The following ULK2 variants were observed in gnomAD, a reference collection of about 807,000 sequenced individuals.
The protein encoded by ULK2 is unc-51 like autophagy activating kinase 2, also known as serine/threonine-protein kinase ULK2.
In ULK2, 76 loss-of-function variants were observed where a neutral mutation model predicts 127.5. The ratio of observed to expected loss-of-function variants is 0.60; its 90% confidence interval spans 0.50 to 0.72. The LOEUF (loss-of-function observed/expected upper bound fraction) is 0.72, where lower values mean the gene tolerates loss of function less well. Among genes scored for constraint, ULK2 ranks in the 30% least tolerant of loss-of-function variants. The pLI is 0.00. For synonymous variants in ULK2, 452 were observed against 461.9 expected, an observed-to-expected ratio of 0.98 and a Z score of 0.28; for missense variants, 1,144 against 1,295.9, an observed-to-expected ratio of 0.88 and a Z score of 1.80.
chr17:19,827,461 T>C (rs541254005), intron 10 of ULK2, among the ~76,000 whole-genome samples: 1 of 152,308 alleles, frequency 6.6e-6, no homozygotes, highest in South Asian at 2.1e-4. Context: ...TTTCCACAAA[T>C]CTCTGTTAGT....
At chr17:19,864,945 ATTATAC>A (rs1384237742) in intron 2 of ULK2, 101 bp from the exon 3 acceptor site, 19 of 416,530 alleles carry the variant, frequency 4.6e-5, no homozygotes, top group East Asian at 8.5e-5. Context: ...CACTTCTAGT[ATTATAC>A]TTATATTAAG....
chr17:19,803,206 T>C (rs547172577), intron 15 of ULK2, among the ~76,000 whole-genome samples: 1 of 151,936 alleles, frequency 6.6e-6, no homozygotes, highest in African/African-American at 2.4e-5. Context: ...TAGCTCAACT[T>C]GGAACTAGAA....
At chr17:19,867,197 C>G in intron 1 of ULK2, 131 bp downstream of exon 1, 1 of 650,364 alleles carries the variant, frequency 1.5e-6, no homozygotes, top group Non-Finnish European at 2.4e-6. Context: ...GCGAGACGGG[C>G]TGCGCGCACA....
rs760775842 is a variant in ULK2, at chr17:19,843,196, A to C, written c.570T>G (p.His190Gln). ...YMAPEVIMSQ[H>Q]YDAKADLWSI... The stretch of plus-strand genomic sequence containing the variant: ...TCCACAAGTCAGCCTTAGCATCATA[A>C]TGTTGAGACATAATAACCTCAGGAG... The change falls in exon 8 of 27, where the codon CAT becomes CAG. Residue 190 changes from histidine (H) to glutamine (Q), a missense_variant. By Grantham distance (24) the His-to-Gln change is conservative (BLOSUM62 0). Transcript: ENST00000395544. 2 of 1,586,602 alleles carry C rather than the reference A, an allele frequency of 1.3e-6. No individual in the cohort carries two copies. The highest frequency in any genetic ancestry group is 1.7e-4 in the Middle Eastern group (1 of 5,926).
chr17:19,771,576 A>G lies in ULK2; in HGVS notation c.*4773T>C, dbSNP rs1340888465. On this transcript the variant is annotated 3_prime_UTR_variant, in exon 27 of 27. Coordinates refer to ENST00000395544, the MANE Select transcript of ULK2 (RefSeq NM_014683.4). Reference sequence around the variant, plus strand: ...GAAGAGCCACAGAGTGATGACCACTACAACGGATACAGGATTGCTGAGCCC... The same window carrying G: ...GAAGAGCCACAGAGTGATGACCACTGCAACGGATACAGGATTGCTGAGCCC... 1 of 152,304 alleles carries G rather than the reference A, an allele frequency of 6.6e-6. No individual in the cohort carries two copies. Among genetic ancestry groups the G allele is most frequent in the Non-Finnish European group, 1.5e-5 (1 of 68,090 alleles). The allele number at this position is 152,304 out of a possible 1,614,324, so 9.4% of individuals were successfully genotyped here.
intron 20 of ULK2, among the ~76,000 whole-genome samples, chr17:19,791,978 A>C (rs568822706): frequency 2.8e-4 from 43 of 152,188 alleles, no homozygotes; most frequent in Middle Eastern, 3.4e-3. Flanking sequence ...TATGCTCCTG[A>C]ATGACCAGTG....
chr17:19,854,544 G>C (rs1393278772), intron 3 of ULK2, among the ~76,000 whole-genome samples: 1 of 152,074 alleles, frequency 6.6e-6, no homozygotes, highest in Non-Finnish European at 1.5e-5. Context: ...TTCTTCTGTA[G>C]ATATCCTCAA....
intron 3 of ULK2, among the ~76,000 whole-genome samples, chr17:19,854,183 G>A (rs1311679502): frequency 2.0e-5 from 3 of 151,122 alleles, no homozygotes; most frequent in Non-Finnish European, 4.4e-5. Flanking sequence ...AAGGCTGAAG[G>A]AGGAGAACTG....
At chr17:19,864,739 C>T in intron 3 of ULK2, 64 bp downstream of exon 3, 1 of 685,344 alleles carries the variant, frequency 1.5e-6, no homozygotes, top group Non-Finnish European at 2.1e-6. Context: ...TTAAGAGTCA[C>T]TTAAATCTGT....
Position 19,864,785 on chromosome 17 carries a change from A to G in ULK2, c.225+18T>C. On this transcript the variant is annotated intron_variant, in intron 3 of 26. Coordinates refer to ENST00000395544, the MANE Select transcript of ULK2 (RefSeq NM_014683.4). ...AAAAAATTTATTTTAATTTTTAAAAATTTTCAAAATAAGGTACCTGAACAT... is the reference window on the plus strand; with the variant it reads ...AAAAAATTTATTTTAATTTTTAAAAGTTTTCAAAATAAGGTACCTGAACAT... The G allele has an allele frequency of 1.7e-6, 2 of 1,203,900 alleles. No homozygotes were observed. Among genetic ancestry groups the G allele is most frequent in the Non-Finnish European group, 2.2e-6 (2 of 917,516 alleles). 74.6% of individuals were successfully genotyped at this position (1,203,900 alleles called of 1,614,324 possible).
chr17:19,835,475 G>C (rs764037249), intron 10 of ULK2, among the ~76,000 whole-genome samples: 1 of 151,202 alleles, frequency 6.6e-6, no homozygotes, highest in Non-Finnish European at 1.5e-5. Context: ...CCAGCACTTT[G>C]GGAGGCCGAG....
chr17:19,860,461 T>C (rs1407478129), intron 3 of ULK2, among the ~76,000 whole-genome samples: 1 of 151,976 alleles, frequency 6.6e-6, no homozygotes, highest in Non-Finnish European at 1.5e-5. Context: ...ATAAAACAAA[T>C]ATAAAGTATT....
intron 3 of ULK2, among the ~76,000 whole-genome samples, chr17:19,863,138 C>CG (rs916855909): frequency 1.8e-4 from 28 of 151,592 alleles, no homozygotes; most frequent in Middle Eastern, 6.8e-3. Context: ...CGCTTTAACC[C>CG]GGGGGGGCAG....
At position 19,784,513 on chromosome 17, in the gene ULK2, C is replaced by CTTTTTTTTTTTTTTTTTTTT. The variant is rs563736244; in HGVS notation, c.2252-628_2252-609dup. ...AACCTCAATAACACTGGACATGATA[C>CTTTTTTTTTTTTTTTTTTTT]TTTTTTTTTTTTTTTTTTTTTTTTT... is the stretch of plus-strand genomic sequence containing the variant. On this transcript the variant is annotated intron_variant, in intron 21 of 26. Coordinates refer to ENST00000395544, the MANE Select transcript of ULK2 (RefSeq NM_014683.4). Among the ~76,000 whole-genome samples the CTTTTTTTTTTTTTTTTTTTT allele has an allele frequency of 4.4e-5, 2 of 45,060 alleles. 1 individual carries two copies. The allele number at this position is 45,060 out of a possible 152,430, so 29.6% of individuals were successfully genotyped here. A position where few individuals can be genotyped will look rare whatever the true frequency, so the allele number is the denominator to read the frequency against.
Position 19,776,254 on chromosome 17 carries a change from A to G in ULK2, c.*95T>C. ...TTTGGTAGTCACCAGTTAAGAAGCT[A>G]CAGTTTCCTGGGGATGGGGTGACAG... On this transcript the variant is annotated 3_prime_UTR_variant, in exon 27 of 27. Coordinates refer to ENST00000395544, the MANE Select transcript of ULK2 (RefSeq NM_014683.4). The G allele has an allele frequency of 8.8e-7, 1 of 1,141,036 alleles. No homozygotes were observed. The highest frequency in any genetic ancestry group is 1.2e-6 in the Non-Finnish European group (1 of 823,198). 70.7% of individuals were successfully genotyped at this position (1,141,036 alleles called of 1,614,324 possible).
intron 13 of ULK2, among the ~76,000 whole-genome samples, chr17:19,813,153 G>A (rs932240843): frequency 6.6e-6 from 1 of 152,098 alleles, no homozygotes; most frequent in Admixed American, 6.6e-5. Flanking sequence ...AGTCTTTTGG[G>A]GGATCTGAGT....
chr17:19,779,641 A>G (rs1417500243), intron 25 of ULK2, among the ~76,000 whole-genome samples: 1 of 151,978 alleles, frequency 6.6e-6, no homozygotes, highest in Non-Finnish European at 1.5e-5. Flanking sequence ...ACTTTAGAGT[A>G]ATTTTTCCCC....
At chr17:19,823,126 AT>A (rs3884213) in intron 12 of ULK2, among the ~76,000 whole-genome samples, 1,722 of 113,106 alleles carry the variant, frequency 0.015, 56 homozygotes, top group African/African-American at 0.056. Context: ...ACGCCTGGCT[AT>A]TTTTTTTTTT....
chr17:19,834,038 G>A (rs565665636), intron 10 of ULK2, among the ~76,000 whole-genome samples: 1 of 152,200 alleles, frequency 6.6e-6, no homozygotes, highest in South Asian at 2.1e-4. Context: ...GAAAATCAAA[G>A]ACAGAGAAAA....
Sources: allele counts gnomAD v4.1 joint callset (sites outside exome capture counted in the v4.1 genomes callset), GRCh38; gene constraint gnomAD v4.1.1; transcripts MANE v1.5; gene names NCBI Gene and HGNC (gene_info 2026-07-23, HGNC 2026-07-21).